The following RGS22 variants were observed in gnomAD, a reference collection of about 807,000 sequenced individuals.
The protein encoded by RGS22 is regulator of G protein signaling 22.
In RGS22, 148 loss-of-function variants were observed where a neutral mutation model predicts 172.9. The observed-to-expected ratio is 0.86, with a 90% CI of 0.75 to 0.98. The LOEUF (loss-of-function observed/expected upper bound fraction) is 0.98, where lower values mean the gene tolerates loss of function less well. RGS22 is among the 50% of genes least tolerant of loss of function. The pLI, the probability that RGS22 is intolerant of heterozygous loss-of-function variation, is 0.00. For synonymous variants in RGS22, 458 were observed against 480.2 expected (o/e 0.95, Z 0.60); for missense variants, 1,347 against 1,440.8 (o/e 0.93, Z 1.05).
At chr8:100,067,079 G>C (rs910360662) in intron 6 of RGS22, among the ~76,000 whole-genome samples, 6 of 152,200 alleles carry the variant, frequency 3.9e-5, no homozygotes, top group African/African-American at 1.2e-4. Flanking sequence ...AACAAGAGCA[G>C]AGAAGAGAGT....
At chr8:99,964,384 G>T (rs1258674035) in intron 24 of RGS22, among the ~76,000 whole-genome samples, 1 of 149,302 alleles carries the variant, frequency 6.7e-6, no homozygotes, top group Non-Finnish European at 1.5e-5. Flanking sequence ...AGCCTAGGAA[G>T]TTGAGGCTGC....
chr8:99,982,689 G>A (rs976239942), intron 21 of RGS22, among the ~76,000 whole-genome samples: 10 of 152,178 alleles, frequency 6.6e-5, no homozygotes, highest in African/African-American at 2.4e-4. Flanking sequence ...GGGCATGCTG[G>A]TTGTCAACAG....
At chr8:100,024,292 A>T (rs1380581908) in intron 14 of RGS22, among the ~76,000 whole-genome samples, 2 of 152,184 alleles carry the variant, frequency 1.3e-5, no homozygotes, top group Non-Finnish European at 2.9e-5. Context: ...CAGAATGTTG[A>T]TCATTGCTGA....
chr8:99,969,074 G>T (rs916398896), intron 23 of RGS22, among the ~76,000 whole-genome samples: 1 of 152,190 alleles, frequency 6.6e-6, no homozygotes, highest in Non-Finnish European at 1.5e-5. Context: ...CCAGGAAAGA[G>T]TTGGGGCCAA....
rs186386991 is a variant in RGS22, at chr8:100,020,957, T to A, written c.2167-12388A>T. ...ATTCAGTGACGTCACTTTGGCAGCT[T>A]GAAATCATCCATGGTGAGAGTATAC... On this transcript the variant is annotated intron_variant, in intron 14 of 27. Transcript: ENST00000360863. Among the ~76,000 whole-genome samples, 18 of 152,312 alleles carry A rather than the reference T, an allele frequency of 1.2e-4. 1 individual carries two copies. Among genetic ancestry groups the A allele is most frequent in the Admixed American group, 1.2e-3 (18 of 15,296 alleles).
intron 23 of RGS22, among the ~76,000 whole-genome samples, chr8:99,971,781 C>T (rs1343378248): frequency 6.6e-6 from 1 of 151,818 alleles, no homozygotes; most frequent in Non-Finnish European, 1.5e-5. Context: ...GAATCAGTAT[C>T]GTGGGATAGG....
chr8:99,983,325 T>C (rs929583237), intron 21 of RGS22, among the ~76,000 whole-genome samples: 1 of 152,220 alleles, frequency 6.6e-6, no homozygotes, highest in African/African-American at 2.4e-5. Flanking sequence ...CATCCAGTAA[T>C]GGGATGGCTG....
chr8:100,066,578 CA>C (rs1810550701), intron 6 of RGS22, among the ~76,000 whole-genome samples: 1 of 152,018 alleles, frequency 6.6e-6, no homozygotes, highest in African/African-American at 2.4e-5. Flanking sequence ...TATTGTTGAC[CA>C]AAGGCATGAA....
chr8:100,048,463 A>C (rs1000387718), intron 10 of RGS22, among the ~76,000 whole-genome samples: 6 of 152,146 alleles, frequency 3.9e-5, no homozygotes, highest in African/African-American at 1.4e-4. Context: ...AAACAAACAT[A>C]CAAAACTTTT....
intron 23 of RGS22, among the ~76,000 whole-genome samples, chr8:99,972,595 A>G (rs1367338910): frequency 6.6e-6 from 1 of 152,234 alleles, no homozygotes; most frequent in African/African-American, 2.4e-5. Flanking sequence ...GGCAAAGGAT[A>G]TGAACAGACA....
At chr8:100,083,270 G>A (rs1010951128) in intron 3 of RGS22, among the ~76,000 whole-genome samples, 2 of 152,124 alleles carry the variant, frequency 1.3e-5, no homozygotes, top group African/African-American at 2.4e-5. Flanking sequence ...CTATCACATC[G>A]CGACCAGGTT....
At chr8:100,084,087 T>A (rs765289283) in intron 3 of RGS22, among the ~76,000 whole-genome samples, 4 of 152,112 alleles carry the variant, frequency 2.6e-5, no homozygotes, top group Non-Finnish European at 5.9e-5. Context: ...TCCGTCCACC[T>A]TGGCCTCCCA....
intron 21 of RGS22, among the ~76,000 whole-genome samples, chr8:99,986,617 A>G (rs1287321327): frequency 6.6e-6 from 1 of 152,192 alleles, no homozygotes; most frequent in African/African-American, 2.4e-5. Flanking sequence ...CTCCTCTTCA[A>G]TGCAAAGATT....
At chr8:100,083,938 C>T (rs1811970446) in intron 3 of RGS22, among the ~76,000 whole-genome samples, 1 of 151,400 alleles carries the variant, frequency 6.6e-6, no homozygotes, top group Non-Finnish European at 1.5e-5. Context: ...CAACCTCCGC[C>T]TCCCGAGTTC....
rs1244012850 is a variant in RGS22 at position 100,063,998 on chromosome 8, TC to T, written c.769del (p.Asp257ThrfsTer8). 1.3e-6 allele frequency: 2 copies of T among 1,544,016 alleles called. No individual in the cohort carries two copies. The highest frequency in any genetic ancestry group is 2.8e-5 in the African/African-American group (2 of 72,226). ...AATCAATTTGTTGGTTTTAGATGGG[TC>T]CTTTTTTGTCCTAGGGTGAACTCCA... is the stretch of plus-strand genomic sequence containing the variant. Reference protein sequence around the residue: ...DDGVHPRTKKDPSKTNKLISE... With the variant: ...DDGVHPRTKKXPSKTNKLISE... On this transcript the variant is annotated frameshift_variant, in exon 8 of 28. Coordinates refer to ENST00000360863, the MANE Select transcript of RGS22 (RefSeq NM_015668.5). LOFTEE classifies it high-confidence loss of function.
intron 22 of RGS22, among the ~76,000 whole-genome samples, chr8:99,981,670 G>A (rs534366253): frequency 1.3e-5 from 2 of 150,476 alleles, no homozygotes; most frequent in South Asian, 2.1e-4. Context: ...TATGAATAAC[G>A]TACAAGCTTT....
chr8:99,998,330 C>G (rs1394315925), intron 19 of RGS22, among the ~76,000 whole-genome samples: 2 of 152,160 alleles, frequency 1.3e-5, no homozygotes, highest in African/African-American at 4.8e-5. Context: ...ATTACTATGA[C>G]CAACTCAATT....
chr8:99,976,475 C>A (rs1363709174), intron 23 of RGS22, among the ~76,000 whole-genome samples: 1 of 152,136 alleles, frequency 6.6e-6, no homozygotes, highest in Non-Finnish European at 1.5e-5. Flanking sequence ...CATTCTCCTG[C>A]CTCAGCCTCC....
intron 2 of RGS22, among the ~76,000 whole-genome samples, chr8:100,098,102 G>A (rs1813125589): frequency 6.6e-6 from 1 of 152,150 alleles, no homozygotes; most frequent in African/African-American, 2.4e-5. Context: ...GAAGTCTGGA[G>A]TAGTGGTCAT....
Sources: gnomAD v4.1 joint callset for allele counts (sites outside exome capture counted in the v4.1 genomes callset) on GRCh38, gnomAD v4.1.1 for gene constraint, MANE v1.5 for transcripts, NCBI Gene and HGNC (gene_info 2026-07-23, HGNC 2026-07-21) for gene names.